Variants in PAOX observed in about 807,000 individuals in gnomAD.
PAOX encodes the protein polyamine oxidase.
A neutral mutation model predicts 39.0 loss-of-function variants in PAOX; 38 were observed. That is an observed-to-expected ratio of 0.97 (90% CI 0.75 to 1.28). The LOEUF (loss-of-function observed/expected upper bound fraction) is 1.28. Among genes scored for constraint, PAOX ranks in the 50% most tolerant of loss-of-function variants. The pLI, the probability that PAOX is intolerant of heterozygous loss-of-function variation, is 0.00. For missense variants in PAOX, 667 were observed against 685.7 expected, an observed-to-expected ratio of 0.97 and a Z score of 0.30; for synonymous variants, 311 against 314.4, an observed-to-expected ratio of 0.99 and a Z score of 0.11.
In PAOX at chr10:133,388,926, G is replaced by C. The variant is rs759434212; in HGVS notation, c.1122-30G>C. The C allele has an allele frequency of 1.1e-5, 13 of 1,187,054 alleles. No individual in the cohort carries two copies. In the South Asian group the frequency reaches 1.5e-4, roughly 13 times the overall value. The allele number at this position is 1,187,054 out of a possible 1,614,324, so 73.5% of individuals were successfully genotyped here. A position where few individuals can be genotyped will look rare whatever the true frequency, so the allele number is the denominator to read the frequency against. On this transcript the variant is annotated intron_variant, in intron 4 of 6. Coordinates refer to ENST00000278060, the MANE Select transcript of PAOX (RefSeq NM_152911.4). ...GGCTCTCTTTCTCCATGCAGGTCTG[G>C]TCATCCCAGGGCTCTCTTTCTCCAT... is the stretch of plus-strand genomic sequence containing the variant.
At chr10:133,379,593 C>CGGGCA in intron 1 of PAOX, 96 bp downstream of exon 1, 2 of 1,020,672 alleles carry the variant, frequency 2.0e-6, no homozygotes, top group Non-Finnish European at 2.5e-6. Flanking sequence ...CCTGCCCGGC[C>CGGGCA]GCCTCACCGG....
chr10:133,389,826 A>C, intron 6 of PAOX, 79 bp downstream of exon 6: 1 of 1,358,698 alleles, frequency 7.4e-7, no homozygotes, highest in Non-Finnish European at 9.5e-7. Context: ...CAGGAGCACC[A>C]GCCAGTGGCG....
chr10:133,379,816 C>G, intron 1 of PAOX, 183 bp from the exon 2 acceptor site: 1 of 754,424 alleles, frequency 1.3e-6, no homozygotes, highest in Admixed American at 3.6e-5. Context: ...AAGTGCCCTC[C>G]TGCCCAGGTG....
At chr10:133,391,152 T>C in intron 6 of PAOX, 160 bp from the exon 7 acceptor site, 3 of 739,722 alleles carry the variant, frequency 4.1e-6, no homozygotes, top group Admixed American at 2.0e-5. Context: ...TTCCTGGCTA[T>C]TGGTGGGTAC....
chr10:133,383,878 T>C, intron 3 of PAOX, 82 bp from the exon 4 acceptor site: 1 of 1,492,656 alleles, frequency 6.7e-7, no homozygotes, highest in Non-Finnish European at 9.0e-7. Context: ...GCAGGGGAAA[T>C]TGCTGGATCC....
chr10:133,383,718 AG>A (rs1465197983), intron 3 of PAOX, among the ~76,000 whole-genome samples: 1 of 152,154 alleles, frequency 6.6e-6, no homozygotes, highest in Non-Finnish European at 1.5e-5. Flanking sequence ...CCAAAGTGGG[AG>A]GACTGAGCCA....
At chr10:133,385,614 C>G (rs935986563) in intron 4 of PAOX, among the ~76,000 whole-genome samples, 1 of 152,156 alleles carries the variant, frequency 6.6e-6, no homozygotes, top group South Asian at 2.1e-4. Flanking sequence ...GATGGAGTCT[C>G]GCTCTGTCCC....
chr10:133,379,661 A>T, intron 1 of PAOX, 164 bp downstream of exon 1: 1 of 633,858 alleles, frequency 1.6e-6, no homozygotes, highest in Non-Finnish European at 2.3e-6. Flanking sequence ...CCCGAAACTC[A>T]GGGCTCAGAG....
Position 133,389,605 on chromosome 10 carries a change from C to T in PAOX, c.1250C>T (p.Pro417Leu), listed in dbSNP as rs749028116. 20 of 1,613,706 alleles carry T rather than the reference C, an allele frequency of 1.2e-5. No individual in the cohort carries two copies. Among genetic ancestry groups the T allele is most frequent in the East Asian group, 2.2e-5 (1 of 44,902 alleles). Reference sequence around the variant, plus strand: ...TGTGGCTCAGGAAACCCACGGCTCCCCGCGCCCAAGAGCGTCCTGCGGTCT... The same window carrying T: ...TGTGGCTCAGGAAACCCACGGCTCCTCGCGCCCAAGAGCGTCCTGCGGTCT... ...LRRVTGNPRL[P>L]APKSVLRSRW... Residue 417 changes from proline (P) to leucine (L), a missense_variant, in exon 6 of 7, where the codon CCC becomes CTC. Physicochemically the swap from Pro to Leu is moderately conservative, Grantham distance 98. Transcript: ENST00000278060.
At position 133,381,462 on chromosome 10, in the gene PAOX, G is replaced by A. The variant is rs1357504005; in HGVS notation, c.671G>A (p.Gly224Asp). Residue 224 changes from glycine to aspartate, a missense_variant and splice_region_variant, in exon 3 of 7, where the codon GGC (glycine) becomes GAC (aspartate). Physicochemically the swap from Gly to Asp is moderately conservative, Grantham distance 94. Coordinates refer to ENST00000278060, the MANE Select transcript of PAOX (RefSeq NM_152911.4). ...AACCAGCACTTCCGTCTTTCTAGGG[G>A]CTATCAAGGACTCACAAACTGCATG... ...LPGLDCTFSK[G>D]YQGLTNCMMA... is the part of the protein sequence containing the mutation. The A allele has an allele frequency of 6.2e-6, 10 of 1,613,580 alleles. No homozygotes were observed. The highest frequency in any genetic ancestry group is 1.6e-4 in the Middle Eastern group (1 of 6,082).
rs995442709 is a variant in PAOX at position 133,379,653 on chromosome 10, C to T, written c.181+156C>T. On this transcript the variant is annotated intron_variant, in intron 1 of 6. Transcript: ENST00000278060. ...CTTAATCCGCCAGAGTTCACCGCCC[C>T]GAAACTCAGGGCTCAGAGTTAGTCA... 33 of 664,418 alleles carry T rather than the reference C, an allele frequency of 5.0e-5. No homozygotes were observed. In the African/African-American group the frequency reaches 5.4e-4, roughly 11 times the overall value. The allele number at this position is 664,418 out of a possible 1,614,324, so 41.2% of individuals were successfully genotyped here. A position where few individuals can be genotyped will look rare whatever the true frequency, so the allele number is the denominator to read the frequency against.
chr10:133,384,227 T>A lies in PAOX; in HGVS notation c.1121+15T>A. The A allele has an allele frequency of 6.2e-7, 1 of 1,609,640 alleles. No homozygotes were observed. The highest frequency in any genetic ancestry group is 8.5e-7 in the Non-Finnish European group (1 of 1,177,470). On this transcript the variant is annotated intron_variant, in intron 4 of 6. Coordinates refer to ENST00000278060, the MANE Select transcript of PAOX (RefSeq NM_152911.4). The surrounding 1 kb of genome is among the most constrained non-coding windows in gnomAD (Gnocchi z 4.3). ...CCTGCCTTTGCGTACGTTTGCTCCCTGAGAAGTTCTGCGAGTGGCTGGCTC... is the reference window on the plus strand; with the variant it reads ...CCTGCCTTTGCGTACGTTTGCTCCCAGAGAAGTTCTGCGAGTGGCTGGCTC...
chr10:133,386,737 G>C (rs1849541176), intron 4 of PAOX, among the ~76,000 whole-genome samples: 1 of 152,170 alleles, frequency 6.6e-6, no homozygotes, highest in Admixed American at 6.5e-5. Flanking sequence ...GCCTCCCAAA[G>C]TATTGGGATT....
intron 3 of PAOX, among the ~76,000 whole-genome samples, chr10:133,383,602 CAA>C (rs61031143): frequency 0.85 from 103,759 of 122,276 alleles, 44,053 homozygotes; most frequent in East Asian, 0.96. Flanking sequence ...GAATCCATCT[CAA>C]AAAAAAAAAA....
chr10:133,380,816 A>G (rs1442194155), intron 2 of PAOX, among the ~76,000 whole-genome samples: 2 of 152,152 alleles, frequency 1.3e-5, no homozygotes, highest in Non-Finnish European at 2.9e-5. Flanking sequence ...CATCTCTACT[A>G]AAAATACAAA....
chr10:133,386,618 G>T (rs909447768), intron 4 of PAOX, among the ~76,000 whole-genome samples: 2 of 151,950 alleles, frequency 1.3e-5, no homozygotes, highest in African/African-American at 2.4e-5. Flanking sequence ...GGGATTACAG[G>T]TGCCCACCAC....
intron 5 of PAOX, among the ~76,000 whole-genome samples, 167 bp from the exon 6 acceptor site, chr10:133,389,423 C>T (rs79789883): frequency 0.013 from 1,908 of 152,296 alleles, 32 homozygotes; most frequent in African/African-American, 0.041. Flanking sequence ...CCACTGCTCT[C>T]GGGTCAGAGG....
chr10:133,381,438 A>G (rs765605203), intron 2 of PAOX, 22 bp from the exon 3 acceptor site: 11 of 1,611,936 alleles, frequency 6.8e-6, no homozygotes, highest in African/African-American at 1.3e-5. Flanking sequence ...CCTCTACGAA[A>G]CCAGCACTTC....
chr10:133,383,837 T>C, intron 3 of PAOX, 123 bp from the exon 4 acceptor site: 1 of 1,288,408 alleles, frequency 7.8e-7, no homozygotes, highest in Non-Finnish European at 1.1e-6. Flanking sequence ...GTAAAACTGC[T>C]TGTGTGAATG....
Sources: allele counts gnomAD v4.1 joint callset (sites outside exome capture counted in the v4.1 genomes callset), GRCh38; gene constraint gnomAD v4.1.1; non-coding constraint Gnocchi (gnomAD v3.1); transcripts MANE v1.5; gene names NCBI Gene and HGNC (gene_info 2026-07-23, HGNC 2026-07-21).